THADA: variants seen among roughly 807,000 people sequenced by gnomAD.
The protein encoded by THADA is tRNA (32-2'-O)-methyltransferase regulator THADA.
Under a neutral mutation model 219.8 loss-of-function variants are expected in THADA, and 213 were observed. The ratio of observed to expected loss-of-function variants is 0.97; its 90% CI spans 0.87 to 1.09. The LOEUF is 1.09. Ranked by LOEUF, THADA falls within the 50% of genes least tolerant of loss-of-function variation. The pLI is 0.00. For synonymous variants in THADA, 1,018 were observed against 828.9 expected, an observed-to-expected ratio of 1.23 and a Z score of -3.92; for missense variants, 2,956 against 2,311.3, an observed-to-expected ratio of 1.28 and a Z score of -5.72.
chr2:43,436,783 G>A (rs1433668282), intron 26 of THADA, among the ~76,000 whole-genome samples: 11 of 152,150 alleles, frequency 7.2e-5, no homozygotes, highest in East Asian at 1.9e-4. Flanking sequence ...CTCAACTGAC[G>A]TAGGGATCTC....
At chr2:43,408,719 T>C (rs1487616225) in intron 28 of THADA, among the ~76,000 whole-genome samples, 1 of 152,178 alleles carries the variant, frequency 6.6e-6, no homozygotes, top group East Asian at 1.9e-4. Context: ...ATCTCCAAAG[T>C]CCCCTTCAAA....
chr2:43,476,176 C>T (rs887539844), intron 26 of THADA, among the ~76,000 whole-genome samples: 1 of 152,130 alleles, frequency 6.6e-6, no homozygotes, highest in East Asian at 1.9e-4. Flanking sequence ...CTCTGGCCAA[C>T]AAGATATGAA....
At chr2:43,461,766 C>T (rs1426938496) in intron 26 of THADA, among the ~76,000 whole-genome samples, 1 of 152,230 alleles carries the variant, frequency 6.6e-6, no homozygotes, top group African/African-American at 2.4e-5. Flanking sequence ...CTCCTCCTTG[C>T]TTCTCTGGCC....
At position 43,556,325 on chromosome 2, in the gene THADA, G is replaced by C. The variant is rs1366348044; in HGVS notation, c.2674+20C>G. Reference sequence around the variant, plus strand: ...GAGACTAAGCTATTCGTTTTGATAAGAGCAAACATCAATACAAACCCATTA... The same window carrying C: ...GAGACTAAGCTATTCGTTTTGATAACAGCAAACATCAATACAAACCCATTA... On this transcript the variant is annotated intron_variant, in intron 17 of 37. Coordinates refer to ENST00000405975, the MANE Select transcript of THADA (RefSeq NM_022065.5). 2 of 1,611,848 alleles carry C rather than the reference G, an allele frequency of 1.2e-6. No homozygotes were observed. Among genetic ancestry groups the C allele is most frequent in the Non-Finnish European group, 8.5e-7 (1 of 1,178,692 alleles).
chr2:43,244,409 C>T (rs1668925252), intron 36 of THADA, among the ~76,000 whole-genome samples: 1 of 152,246 alleles, frequency 6.6e-6, no homozygotes, highest in Non-Finnish European at 1.5e-5. Context: ...AGGGGGCTTA[C>T]AACCTGGAGC....
chr2:43,319,449 G>A (rs757717105), intron 31 of THADA, among the ~76,000 whole-genome samples: 2 of 152,106 alleles, frequency 1.3e-5, no homozygotes, highest in Non-Finnish European at 2.9e-5. Context: ...ACCTCTGCAT[G>A]GCCACAGGGG....
chr2:43,329,491 T>C (rs957365405), intron 30 of THADA, among the ~76,000 whole-genome samples: 4 of 152,136 alleles, frequency 2.6e-5, no homozygotes, highest in Non-Finnish European at 4.4e-5. Flanking sequence ...CTGGTAAAAA[T>C]AGTACGAATG....
At chr2:43,483,491 C>T (rs919377130) in intron 26 of THADA, among the ~76,000 whole-genome samples, 1 of 152,122 alleles carries the variant, frequency 6.6e-6, no homozygotes, top group Non-Finnish European at 1.5e-5. Flanking sequence ...TGGTCCATAC[C>T]GATCTTCAGA....
In THADA at chr2:43,293,093, G is replaced by A; in HGVS notation, c.4559C>T (p.Thr1520Ile). Residue 1520 changes from threonine to isoleucine, a missense_variant, in exon 32 of 38, where the codon ACC becomes ATC. Thr to Ile is a moderately conservative substitution (Grantham distance 89, BLOSUM62 -1). Transcript: ENST00000405975. ...CCACACTGCAGCAATGGCTAGTCTG[G>A]TGAGGCTCTGGAGGTACTGGGGCAG... ...PGLPQYLQSL[T>I]RLAIAAVWAA... 1 of 1,613,992 alleles carries A rather than the reference G, an allele frequency of 6.2e-7. No homozygotes were observed. The highest frequency in any genetic ancestry group is 1.7e-5 in the Admixed American group (1 of 60,010).
intron 22 of THADA, among the ~76,000 whole-genome samples, chr2:43,511,900 A>G (rs1365205528): frequency 2.0e-5 from 3 of 152,198 alleles, no homozygotes; most frequent in Non-Finnish European, 4.4e-5. Flanking sequence ...GAAGGTCCAT[A>G]TATGAGAGCT....
At position 43,234,422 on chromosome 2, in the gene THADA, G is replaced by A. The variant is rs1446223829; in HGVS notation, c.5297-1540C>T. Among the ~76,000 whole-genome samples, 5 of 152,202 alleles carry A rather than the reference G, an allele frequency of 3.3e-5. No individual in the cohort carries two copies. The South Asian group carries it at 6.2e-4, about 19-fold the overall frequency. On this transcript the variant is annotated intron_variant, in intron 36 of 37. Transcript: ENST00000405975. The stretch of plus-strand genomic sequence containing the variant: ...AGGACACTTGCCCTTTAGTGTCCCC[G>A]TTCCCCATGCTGCTTGCTCTGCAGC...
chr2:43,237,852 T>G (rs1668207243), intron 36 of THADA, among the ~76,000 whole-genome samples: 1 of 150,602 alleles, frequency 6.6e-6, no homozygotes, highest in African/African-American at 2.4e-5. Context: ...GTGCTGTGGC[T>G]CATGCCTGTA....
intron 36 of THADA, among the ~76,000 whole-genome samples, chr2:43,265,355 C>T (rs1302978768): frequency 1.3e-5 from 2 of 152,198 alleles, no homozygotes; most frequent in Non-Finnish European, 1.5e-5. Flanking sequence ...AAAAACAGGA[C>T]TCACAATCAG....
chr2:43,391,498 T>A (rs974016408), intron 29 of THADA, among the ~76,000 whole-genome samples: 2 of 152,230 alleles, frequency 1.3e-5, no homozygotes, highest in South Asian at 4.1e-4. Flanking sequence ...GATTAATTCA[T>A]CTTCAAAAGT....
intron 29 of THADA, among the ~76,000 whole-genome samples, chr2:43,383,503 C>T (rs573127202): frequency 9.9e-5 from 15 of 152,276 alleles, no homozygotes; most frequent in East Asian, 1.9e-4. Flanking sequence ...AACCAATCAC[C>T]GAATGTTAGG....
At chr2:43,507,509 A>G (rs1689828099) in intron 23 of THADA, among the ~76,000 whole-genome samples, 1 of 152,166 alleles carries the variant, frequency 6.6e-6, no homozygotes, top group Non-Finnish European at 1.5e-5. Context: ...ATCAAATAAA[A>G]GTTGATTTCT....
intron 26 of THADA, among the ~76,000 whole-genome samples, chr2:43,466,656 T>C (rs375452364): frequency 6.6e-6 from 1 of 152,190 alleles, no homozygotes; most frequent in South Asian, 2.1e-4. Context: ...CAAGAGCTAA[T>C]TGTATTGTGC....
chr2:43,584,724 G>A (rs1296260995), intron 7 of THADA, among the ~76,000 whole-genome samples: 3 of 152,326 alleles, frequency 2.0e-5, no homozygotes, highest in East Asian at 1.9e-4. Flanking sequence ...CAGGGAACAA[G>A]CCCAGAAGCC....
chr2:43,493,615 G>C (rs1044048780), intron 25 of THADA, among the ~76,000 whole-genome samples: 3 of 152,116 alleles, frequency 2.0e-5, no homozygotes, highest in Non-Finnish European at 4.4e-5. Flanking sequence ...GGATGAGGAT[G>C]CAAGGAAAGA....
Sources: allele counts gnomAD v4.1 joint callset (sites outside exome capture counted in the v4.1 genomes callset), GRCh38; gene constraint gnomAD v4.1.1; transcripts MANE v1.5; gene names NCBI Gene and HGNC (gene_info 2026-07-23, HGNC 2026-07-21).